KCNQ5: variants seen among roughly 807,000 people sequenced by gnomAD.
KCNQ5 encodes the protein potassium voltage-gated channel subfamily Q member 5, also known as potassium voltage-gated channel subfamily KQT member 5.
Under a neutral mutation model 98.2 loss-of-function variants are expected in KCNQ5, and 30 were observed. The ratio of observed to expected loss-of-function variants is 0.31; its 90% CI spans 0.23 to 0.41. The LOEUF is 0.41. Ranked by LOEUF, KCNQ5 falls within the 10% of genes least tolerant of loss-of-function variation. KCNQ5 has a pLI of 1.00. For synonymous variants in KCNQ5, 458 were observed against 449.4 expected (o/e 1.02, Z -0.24); for missense variants, 835 against 1,182.5 (o/e 0.71, Z 4.31).
intron 1 of KCNQ5, among the ~76,000 whole-genome samples, chr6:72,685,474 C>G (rs1051834095): frequency 3.0e-4 from 45 of 152,196 alleles, no homozygotes; most frequent in Admixed American, 8.5e-4. Context: ...CCATCCCGTT[C>G]CTGGCCCCCT....
intron 1 of KCNQ5, among the ~76,000 whole-genome samples, chr6:72,964,615 A>T (rs1174900042): frequency 6.6e-6 from 1 of 152,210 alleles, no homozygotes; most frequent in Non-Finnish European, 1.5e-5. Context: ...TTGCTTTTTA[A>T]ATAAAAAAGT....
intron 1 of KCNQ5, among the ~76,000 whole-genome samples, chr6:72,970,146 T>C (rs1175927294): frequency 3.3e-5 from 5 of 152,030 alleles, no homozygotes; most frequent in Non-Finnish European, 7.4e-5. Context: ...GAAGTTCCAA[T>C]TACTCCAGAG....
intron 9 of KCNQ5, 25 bp from the exon 10 acceptor site, chr6:73,133,396 A>C (rs199588551): frequency 6.2e-7 from 1 of 1,600,418 alleles, no homozygotes; most frequent in Non-Finnish European, 8.6e-7. Flanking sequence ...TTGAAATGGA[A>C]TAATCATGCC....
intron 1 of KCNQ5, among the ~76,000 whole-genome samples, chr6:72,778,495 C>A (rs1014769317): frequency 6.6e-6 from 1 of 150,784 alleles, no homozygotes; most frequent in African/African-American, 2.4e-5. Flanking sequence ...GCAGAGATCA[C>A]GCCACTGCAC....
intron 1 of KCNQ5, among the ~76,000 whole-genome samples, chr6:72,947,953 A>C (rs999277944): frequency 6.6e-6 from 1 of 152,122 alleles, no homozygotes; most frequent in African/African-American, 2.4e-5. Flanking sequence ...TTTTTAAAAA[A>C]CATTTTAAAA....
intron 11 of KCNQ5, among the ~76,000 whole-genome samples, chr6:73,171,107 A>G (rs1026842713): frequency 6.6e-6 from 1 of 152,194 alleles, no homozygotes; most frequent in East Asian, 1.9e-4. Context: ...GAAAGCAGAA[A>G]TGAGTTCTAA....
At position 72,791,221 on chromosome 6, in the gene KCNQ5, G is replaced by A. The variant is rs1176554229; in HGVS notation, c.398+168634G>A. The stretch of plus-strand genomic sequence containing the variant: ...CCTGAGACAGCAGCTATGCATATGA[G>A]AGCAATAGAAAAGAGGCCAAAGTGT... On this transcript the variant is annotated intron_variant, in intron 1 of 13. Coordinates refer to ENST00000370398, the MANE Select transcript of KCNQ5 (RefSeq NM_019842.4). Among the ~76,000 whole-genome samples, 10 of 152,126 alleles carry A rather than the reference G, an allele frequency of 6.6e-5. No individual in the cohort carries two copies. In the East Asian group the frequency reaches 1.9e-3, roughly 29 times the overall value.
chr6:73,106,014 T>C (rs774598435), intron 6 of KCNQ5, among the ~76,000 whole-genome samples: 9 of 152,172 alleles, frequency 5.9e-5, no homozygotes, highest in Non-Finnish European at 1.2e-4. Context: ...TTTGCCCCCA[T>C]TTCCAAGTTC....
At chr6:73,181,277 A>C (rs1314764546) in intron 11 of KCNQ5, among the ~76,000 whole-genome samples, 2 of 152,226 alleles carry the variant, frequency 1.3e-5, no homozygotes, top group Admixed American at 1.3e-4. Context: ...TAGTCTCTTC[A>C]TAACCAACAG....
intron 1 of KCNQ5, among the ~76,000 whole-genome samples, chr6:72,898,374 G>A (rs1562054272): frequency 6.6e-6 from 1 of 152,068 alleles, no homozygotes; most frequent in Non-Finnish European, 1.5e-5. Context: ...CCCTCTCTGT[G>A]TCCCTGTGTT....
At chr6:72,666,328 TG>T (rs1290662638) in intron 1 of KCNQ5, among the ~76,000 whole-genome samples, 1 of 103,736 alleles carries the variant, frequency 9.6e-6, no homozygotes, top group Non-Finnish European at 2.4e-5. Context: ...AAATAACAAC[TG>T]GAATAAATTT....
At chr6:73,015,384 A>G (rs575000288) in intron 2 of KCNQ5, among the ~76,000 whole-genome samples, 8 of 152,296 alleles carry the variant, frequency 5.3e-5, no homozygotes, top group African/African-American at 1.9e-4. Context: ...CTGAACCTTA[A>G]CAGAAGGATA....
At chr6:73,017,107 T>C (rs1770379624) in intron 2 of KCNQ5, among the ~76,000 whole-genome samples, 1 of 152,202 alleles carries the variant, frequency 6.6e-6, no homozygotes, top group Non-Finnish European at 1.5e-5. Flanking sequence ...AAATGCTTCC[T>C]ACATTTTAGC....
chr6:72,859,456 A>T (rs1266023084), intron 1 of KCNQ5, among the ~76,000 whole-genome samples: 1 of 152,066 alleles, frequency 6.6e-6, no homozygotes, highest in Non-Finnish European at 1.5e-5. Context: ...TATATCATAC[A>T]TCACTTTTTC....
chr6:72,715,642 C>T (rs185477664), intron 1 of KCNQ5, among the ~76,000 whole-genome samples: 1 of 152,146 alleles, frequency 6.6e-6, no homozygotes, highest in African/African-American at 2.4e-5. Flanking sequence ...ATGTAATTTA[C>T]CTAGAAATAT....
At chr6:72,879,889 A>G (rs1377352396) in intron 1 of KCNQ5, among the ~76,000 whole-genome samples, 2 of 152,112 alleles carry the variant, frequency 1.3e-5, no homozygotes, top group Non-Finnish European at 2.9e-5. Flanking sequence ...ATGCTCGAGT[A>G]GCCTCCTAAG....
intron 1 of KCNQ5, among the ~76,000 whole-genome samples, chr6:72,790,061 G>C (rs917228766): frequency 1.3e-5 from 2 of 152,148 alleles, no homozygotes; most frequent in African/African-American, 2.4e-5. Flanking sequence ...ATAAATGTTT[G>C]ACAAAACGGG....
intron 3 of KCNQ5, among the ~76,000 whole-genome samples, chr6:73,042,419 A>C (rs1439557429): frequency 6.6e-6 from 1 of 152,204 alleles, no homozygotes; most frequent in African/African-American, 2.4e-5. Context: ...ATGTTTCTCC[A>C]GTGTTGCCCT....
At chr6:72,648,141 A>G (rs116627916) in intron 1 of KCNQ5, among the ~76,000 whole-genome samples, 1 of 152,164 alleles carries the variant, frequency 6.6e-6, no homozygotes, top group Non-Finnish European at 1.5e-5. Context: ...GTACTAAAAC[A>G]TAAAGAACAT....
Sources: gnomAD v4.1 joint callset for allele counts (sites outside exome capture counted in the v4.1 genomes callset) on GRCh38, gnomAD v4.1.1 for gene constraint, MANE v1.5 for transcripts, NCBI Gene and HGNC (gene_info 2026-07-23, HGNC 2026-07-21) for gene names.